Variants in BEX5 observed in about 807,000 individuals in gnomAD.
BEX5 encodes protein BEX5.
Under a neutral mutation model 1.4 loss-of-function variants are expected in BEX5, and 2 were observed. The observed-to-expected ratio is 1.42, with a 90% confidence interval of 0.58 to 4.47. The LOEUF (loss-of-function observed/expected upper bound fraction) is 4.47. Ranked by LOEUF, BEX5 falls within the 30% of genes most tolerant of loss-of-function variation. The pLI, the probability that BEX5 is intolerant of heterozygous loss-of-function variation, is 0.06. For missense variants in BEX5, 97 were observed against 87.3 expected, an observed-to-expected ratio of 1.11 and a Z score of -0.44; for synonymous variants, 32 against 30.0, an observed-to-expected ratio of 1.07 and a Z score of -0.21.
intron 2 of BEX5, 125 bp from the exon 3 acceptor site, chrX:102,154,427 C>T: frequency 4.7e-6 from 2 of 425,211 alleles, no homozygotes; most frequent in South Asian, 5.4e-5. Flanking sequence ...CCCAGCGCTG[C>T]CCCAAAGCCC....
intron 2 of BEX5, 98 bp downstream of exon 2, chrX:102,154,644 TTC>T (rs1933230427): frequency 7.7e-6 from 1 of 129,731 alleles, no homozygotes; most frequent in South Asian, 3.3e-4. Flanking sequence ...TCTCCTAAGT[TTC>T]TCCTGCACTC....
At position 102,154,200 on chromosome X, in the gene BEX5, A is replaced by T. The variant is rs1388401831; in HGVS notation, c.66T>A (p.Ala22=). The change falls in exon 3 of 3, where the codon GCT becomes GCA. Residue 22 remains alanine (A), a synonymous_variant. Transcript: ENST00000333643. ...EKAPVQNEAP[A]LGGGEYQEPG... ...GCTCCTGGTATTCACCACCTCCTAA[A>T]GCGGGGGCTTCATTCTGCACTGGGG... 5 of 1,206,300 alleles carry T rather than the reference A, an allele frequency of 4.1e-6. No homozygotes were observed. The African/African-American group carries it at 8.9e-5, about 21-fold the overall frequency.
At position 102,154,093 on chromosome X, in the gene BEX5, A is replaced by T. The variant is rs368711955; in HGVS notation, c.173T>A (p.Ile58Asn). The stretch of plus-strand genomic sequence containing the variant: ...ATCTCCATCTCCATCTATCATATCA[A>T]TGTTATCGACAAGCCTATTGGGCAC... ...EDVPNRLVDN[I>N]DMIDGDGDDM... The change falls in exon 3 of 3, where the codon ATT becomes AAT. Residue 58 changes from isoleucine to asparagine, a missense_variant. Transcript: ENST00000333643. The T allele has an allele frequency of 2.5e-6, 3 of 1,209,854 alleles. No individual in the cohort carries two copies. Among genetic ancestry groups the T allele is most frequent in the Non-Finnish European group, 3.4e-6 (3 of 895,106 alleles).
rs1556369661 is a variant in BEX5, at chrX:102,154,104, A to G, written c.162T>C (p.Leu54=). The G allele has an allele frequency of 8.3e-7, 1 of 1,210,611 alleles. No individual in the cohort carries two copies. Among genetic ancestry groups the G allele is most frequent in the Admixed American group, 2.2e-5 (1 of 45,876 alleles). ...PGFGEDVPNR[L]VDNIDMIDGD... The stretch of plus-strand genomic sequence containing the variant: ...CATCTATCATATCAATGTTATCGAC[A>G]AGCCTATTGGGCACATCCTCTCCAA... The change falls in exon 3 of 3, where the codon CTT becomes CTC. Residue 54 remains leucine (L), a synonymous_variant. Coordinates refer to ENST00000333643, the MANE Select transcript of BEX5 (RefSeq NM_001012978.3).
rs781965164 is a variant in BEX5, at chrX:102,154,275, T to C, written c.-10A>G. 8.8e-7 allele frequency: 1 copy of C among 1,131,703 alleles called. No homozygotes were observed. Among genetic ancestry groups the C allele is most frequent in the Non-Finnish European group, 1.2e-6 (1 of 855,417 alleles). The allele number at this position is 1,131,703 out of a possible 1,213,427, so 93.3% of individuals were successfully genotyped here. A position where few individuals can be genotyped will look rare whatever the true frequency, so the allele number is the denominator to read the frequency against. On this transcript the variant is annotated 5_prime_UTR_variant, in exon 3 of 3. Coordinates refer to ENST00000333643, the MANE Select transcript of BEX5 (RefSeq NM_001012978.3). ...TGGGGACATTTTCCATGTTGAGTTTTTTTCCTGTTTTTTTTTTTTTTTTCT... is the reference window on the plus strand; with the variant it reads ...TGGGGACATTTTCCATGTTGAGTTTCTTTCCTGTTTTTTTTTTTTTTTTCT...
Position 102,154,213 on chromosome X carries a change from T to C in BEX5, c.53A>G (p.Asn18Ser), listed in dbSNP as rs1370957540. The C allele has an allele frequency of 8.3e-7, 1 of 1,205,323 alleles. No individual in the cohort carries two copies. Among genetic ancestry groups the C allele is most frequent in the African/African-American group, 1.8e-5 (1 of 56,501 alleles). Residue 18 changes from asparagine to serine, a missense_variant, in exon 3 of 3, where the codon AAT becomes AGT. Coordinates refer to ENST00000333643, the MANE Select transcript of BEX5 (RefSeq NM_001012978.3). ...NKVVEKAPVQ[N>S]EAPALGGGEY... Reference sequence around the variant, plus strand: ...ACCACCTCCTAAAGCGGGGGCTTCATTCTGCACTGGGGCCTTCTCCACAAC... The same window carrying C: ...ACCACCTCCTAAAGCGGGGGCTTCACTCTGCACTGGGGCCTTCTCCACAAC...
chrX:102,154,009 T>C lies in BEX5; in HGVS notation c.257A>G (p.Gln86Arg), dbSNP rs1556369587. 2.5e-6 allele frequency: 3 copies of C among 1,210,713 alleles called. No individual in the cohort carries two copies. Among genetic ancestry groups the C allele is most frequent in the Non-Finnish European group, 3.4e-6 (3 of 895,215 alleles). Reference protein sequence around the residue: ...RELRRKIRELQLRYSLRILIG... With the variant: ...RELRRKIRELRLRYSLRILIG... ...AAGAATGCGCAGACTGTACCTCAAC[T>C]GAAGTTCCCTAATTTTCCTCCTTAG... The change falls in exon 3 of 3, where the codon CAG (glutamine) becomes CGG (arginine). Residue 86 changes from glutamine (Q) to arginine (R), a missense_variant. Gln to Arg is a conservative substitution (Grantham distance 43). Transcript: ENST00000333643.
At chrX:102,155,504 T>C (rs1447036735) in intron 1 of BEX5, 3 of 111,545 alleles carry the variant, frequency 2.7e-5, no homozygotes, top group Non-Finnish European at 5.6e-5. Flanking sequence ...CAGCTCTAAA[T>C]GGGTAGAGGG....
chrX:102,154,336 G>T, intron 2 of BEX5, 34 bp from the exon 3 acceptor site: 1 of 931,830 alleles, frequency 1.1e-6, no homozygotes, highest in Non-Finnish European at 1.5e-6. Flanking sequence ...GGGAATGAAT[G>T]CTTGATAGGA....
chrX:102,155,747 C>T (rs1556370123), intron 1 of BEX5, 112 bp downstream of exon 1: 1 of 112,437 alleles, frequency 8.9e-6, no homozygotes, highest in Non-Finnish European at 1.9e-5. Context: ...TCTCCCCAAC[C>T]GCTCCATTTC....
rs782038242 is a variant in BEX5 at position 102,154,283 on chromosome X, T to C, written c.-18A>G. On this transcript the variant is annotated 5_prime_UTR_variant, in exon 3 of 3. Coordinates refer to ENST00000333643, the MANE Select transcript of BEX5 (RefSeq NM_001012978.3). The stretch of plus-strand genomic sequence containing the variant: ...TTTTCCATGTTGAGTTTTTTTCCTG[T>C]TTTTTTTTTTTTTTTCTTCCTAGAA... 2.6e-4 allele frequency: 82 copies of C among 316,181 alleles called. No homozygotes were observed. Among genetic ancestry groups the C allele is most frequent in the Non-Finnish European group, 3.2e-4 (75 of 231,795 alleles). 26.1% of individuals were successfully genotyped at this position (316,181 alleles called of 1,213,427 possible). A position where few individuals can be genotyped will look rare whatever the true frequency, so the allele number is the denominator to read the frequency against.
rs1396892104 is a variant in BEX5 at position 102,153,887 on chromosome X, C to A, written c.*43G>T. 5.5e-6 allele frequency: 6 copies of A among 1,085,501 alleles called. No homozygotes were observed. In the East Asian group the frequency reaches 1.6e-4, roughly 28 times the overall value. 89.5% of individuals were successfully genotyped at this position (1,085,501 alleles called of 1,213,427 possible). ...CATTAAAGGTACACCAGGAAAAATG[C>A]GAATTTAGAAAGCAGGGATTTTATG... On this transcript the variant is annotated 3_prime_UTR_variant, in exon 3 of 3. Coordinates refer to ENST00000333643, the MANE Select transcript of BEX5 (RefSeq NM_001012978.3).
chrX:102,155,905 G>A lies in BEX5; in HGVS notation c.-151C>T, dbSNP rs1216268752. On this transcript the variant is annotated 5_prime_UTR_variant, in exon 1 of 3. Coordinates refer to ENST00000333643, the MANE Select transcript of BEX5 (RefSeq NM_001012978.3). Reference sequence around the variant, plus strand: ...CTTCTACCACTTTCCACCTTTCCTGGGCAGCTGGCTCGCCTGCCTTCAGGG... The same window carrying A: ...CTTCTACCACTTTCCACCTTTCCTGAGCAGCTGGCTCGCCTGCCTTCAGGG... 1 of 112,513 alleles carries A rather than the reference G, an allele frequency of 8.9e-6. No individual in the cohort carries two copies. Among genetic ancestry groups the A allele is most frequent in the Non-Finnish European group, 1.9e-5 (1 of 53,302 alleles). 9.3% of individuals were successfully genotyped at this position (112,513 alleles called of 1,213,427 possible).
In BEX5 at chrX:102,154,342, T is replaced by C. The variant is rs1312618040; in HGVS notation, c.-37-40A>G. On this transcript the variant is annotated intron_variant, in intron 2 of 2. Transcript: ENST00000333643. ...GCAAGAAGAGGGAATGAATGCTTGA[T>C]AGGATTCAGAGCTCTGTTTGGCAAA... The C allele has an allele frequency of 2.8e-5, 26 of 920,638 alleles. No individual in the cohort carries two copies. The Admixed American group carries it at 7.3e-4, about 26-fold the overall frequency. 75.9% of individuals were successfully genotyped at this position (920,638 alleles called of 1,213,427 possible).
intron 1 of BEX5, among the ~76,000 whole-genome samples, 167 bp from the exon 2 acceptor site, chrX:102,154,977 G>A (rs1556369968): frequency 9.0e-6 from 1 of 111,301 alleles, no homozygotes; most frequent in African/African-American, 3.3e-5. Context: ...CCAGAAATAG[G>A]CATCAAAGAT....
chrX:102,154,082 C>G lies in BEX5; in HGVS notation c.184G>C (p.Asp62His). ...NRLVDNIDMIDGDGDDMERFM... is the reference protein window; with the variant it reads ...NRLVDNIDMIHGDGDDMERFM... ...CGTTCCATATCATCTCCATCTCCAT[C>G]TATCATATCAATGTTATCGACAAGC... The change falls in exon 3 of 3, where the codon GAT becomes CAT. Residue 62 changes from aspartate to histidine, a missense_variant. By Grantham distance (81) the Asp-to-His change is moderately conservative. Transcript: ENST00000333643. The G allele has an allele frequency of 1.7e-6, 2 of 1,210,618 alleles. No individual in the cohort carries two copies. The highest frequency in any genetic ancestry group is 2.2e-6 in the Non-Finnish European group (2 of 895,323).
intron 1 of BEX5, chrX:102,155,460 A>G (rs1933241800): frequency 1.8e-5 from 2 of 111,432 alleles, no homozygotes; most frequent in South Asian, 3.9e-4. Context: ...CTCTGCAGCA[A>G]TTCCTCTCCT....
chrX:102,154,182 G>A lies in BEX5; in HGVS notation c.84C>T (p.Tyr28=). The A allele has an allele frequency of 1.7e-6, 2 of 1,210,347 alleles. No homozygotes were observed. Among genetic ancestry groups the A allele is most frequent in the Middle Eastern group, 2.3e-4 (1 of 4,346 alleles). The part of the protein sequence containing the change: ...NEAPALGGGE[Y]QEPGGNVKGV... The stretch of plus-strand genomic sequence containing the variant: ...CTTTAACATTTCCTCCAGGCTCCTG[G>A]TATTCACCACCTCCTAAAGCGGGGG... Residue 28 remains tyrosine, a synonymous_variant, in exon 3 of 3, where the codon TAC becomes TAT. Transcript: ENST00000333643.
chrX:102,154,106 G>T lies in BEX5; in HGVS notation c.160C>A (p.Leu54Ile), dbSNP rs782325877. 8.3e-7 allele frequency: 1 copy of T among 1,210,152 alleles called. No individual in the cohort carries two copies. Among genetic ancestry groups the T allele is most frequent in the South Asian group, 1.8e-5 (1 of 56,848 alleles). The change falls in exon 3 of 3, where the codon CTT (leucine) becomes ATT (isoleucine). Residue 54 changes from leucine (L) to isoleucine (I), a missense_variant. Transcript: ENST00000333643. ...PGFGEDVPNR[L>I]VDNIDMIDGD... ...TCTATCATATCAATGTTATCGACAA[G>T]CCTATTGGGCACATCCTCTCCAAAA... is the stretch of plus-strand genomic sequence containing the variant.
Sources: allele counts gnomAD v4.1 joint callset (sites outside exome capture counted in the v4.1 genomes callset), GRCh38; gene constraint gnomAD v4.1.1; transcripts MANE v1.5; gene names NCBI Gene and HGNC (gene_info 2026-07-23, HGNC 2026-07-21).